Variants in SPATA16 observed in about 807,000 individuals in gnomAD.
SPATA16 encodes the protein spermatogenesis associated 16, also known as spermatogenesis-associated protein 16.
A neutral mutation model predicts 63.3 loss-of-function variants in SPATA16; 36 were observed. The ratio of observed to expected loss-of-function variants is 0.57; its 90% CI spans 0.44 to 0.75. The LOEUF is 0.75. Ranked by LOEUF, SPATA16 falls within the 30% of genes least tolerant of loss-of-function variation. The pLI is 0.00. For synonymous variants in SPATA16, 203 were observed against 216.7 expected, an observed-to-expected ratio of 0.94 and a Z score of 0.56; for missense variants, 646 against 679.3, an observed-to-expected ratio of 0.95 and a Z score of 0.54.
In SPATA16 at chr3:173,075,008, A is replaced by AAAAAAAAG. The variant is rs1560114977; in HGVS notation, c.613-25915_613-25914insCTTTTTTT. Among the ~76,000 whole-genome samples, 30 of 146,172 alleles carry AAAAAAAAG rather than the reference A, an allele frequency of 2.1e-4. 1 individual carries two copies. Among genetic ancestry groups the AAAAAAAAG allele is most frequent in the East Asian group, 8.2e-4 (4 of 4,898 alleles). ...ACTCTATCTCAAAAAAAAAAAAAAA[A>AAAAAAAAG]AAAAGGAAAGAAAAGAAAAAAAGAA... On this transcript the variant is annotated intron_variant, in intron 2 of 10. Transcript: ENST00000351008.
At chr3:172,911,093 T>C (rs1360654346) in intron 10 of SPATA16, among the ~76,000 whole-genome samples, 1 of 152,278 alleles carries the variant, frequency 6.6e-6, no homozygotes, top group African/African-American at 2.4e-5. Flanking sequence ...GCTTCTTCTT[T>C]GCTTCTTGTT....
Position 173,055,762 on chromosome 3 carries a change from C to T in SPATA16, c.613-6668G>A, listed in dbSNP as rs552124566. Reference sequence around the variant, plus strand: ...TACAAGAGTGAAAGTGCAAGTAAAACGAGAAATCTTAAGTTTGGTGGATTG... The same window carrying T: ...TACAAGAGTGAAAGTGCAAGTAAAATGAGAAATCTTAAGTTTGGTGGATTG... On this transcript the variant is annotated intron_variant, in intron 2 of 10. Transcript: ENST00000351008. 1.4e-4 allele frequency among the ~76,000 whole-genome samples: 22 copies of T among 152,180 alleles called. No individual in the cohort carries two copies. The South Asian group carries it at 2.5e-3, about 17-fold the overall frequency.
intron 2 of SPATA16, among the ~76,000 whole-genome samples, chr3:173,080,454 G>A (rs1051573159): frequency 6.6e-6 from 1 of 151,606 alleles, no homozygotes; most frequent in Non-Finnish European, 1.5e-5. Context: ...GACATCTTGT[G>A]CCTTTCACCT....
At chr3:173,054,741 TC>T (rs1736177634) in intron 2 of SPATA16, among the ~76,000 whole-genome samples, 1 of 151,982 alleles carries the variant, frequency 6.6e-6, no homozygotes, top group South Asian at 2.1e-4. Flanking sequence ...CGCACATGTA[TC>T]CTTTTTTTTT....
intron 4 of SPATA16, among the ~76,000 whole-genome samples, chr3:173,010,346 C>CT (rs996362617): frequency 2.0e-5 from 3 of 152,200 alleles, no homozygotes; most frequent in African/African-American, 7.2e-5. Flanking sequence ...CTGTGAGCCC[C>CT]TGCCCTACGT....
chr3:172,943,596 T>C (rs9848165), intron 6 of SPATA16, among the ~76,000 whole-genome samples: 13,040 of 152,032 alleles, frequency 0.086, 1,877 homozygotes, highest in African/African-American at 0.3. Flanking sequence ...AAAATGTAGC[T>C]GGGCATGGTG....
At position 173,119,564 on chromosome 3, in the gene SPATA16, A is replaced by G. The variant is rs570790245; in HGVS notation, c.-18-1815T>C. ...ATAATTCTAATAATAGCTATCTTGT[A>G]TATTAATTTGTAAAAGCTAAATCCT... On this transcript the variant is annotated intron_variant, in intron 1 of 10. Coordinates refer to ENST00000351008, the MANE Select transcript of SPATA16 (RefSeq NM_031955.6). Among the ~76,000 whole-genome samples the G allele has an allele frequency of 5.4e-4, 83 of 152,342 alleles. 1 individual carries two copies. In the South Asian group the frequency reaches 0.017, roughly 31 times the overall value.
intron 2 of SPATA16, among the ~76,000 whole-genome samples, chr3:173,082,128 C>A (rs1736936956): frequency 6.6e-6 from 1 of 151,998 alleles, no homozygotes; most frequent in Non-Finnish European, 1.5e-5. Context: ...TTTAGGTGTC[C>A]CCATAGCACC....
chr3:173,016,603 G>T (rs115353734), intron 4 of SPATA16, among the ~76,000 whole-genome samples: 1 of 152,270 alleles, frequency 6.6e-6, no homozygotes, highest in Admixed American at 6.5e-5. Flanking sequence ...ACATGACTGC[G>T]TAGCATGCTA....
chr3:173,066,579 G>A (rs138300634), intron 2 of SPATA16, among the ~76,000 whole-genome samples: 3 of 152,326 alleles, frequency 2.0e-5, no homozygotes, highest in Non-Finnish European at 4.4e-5. Context: ...CTCTGCAAGA[G>A]TCACAGTAGT....
chr3:173,036,146 T>C (rs946934345), intron 3 of SPATA16, among the ~76,000 whole-genome samples: 13 of 151,992 alleles, frequency 8.6e-5, no homozygotes, highest in African/African-American at 3.1e-4. Context: ...ACTGTTTCTA[T>C]GGAACACTAT....
At chr3:172,990,185 T>C (rs1734543460) in intron 4 of SPATA16, among the ~76,000 whole-genome samples, 1 of 152,234 alleles carries the variant, frequency 6.6e-6, no homozygotes, top group Admixed American at 6.5e-5. Context: ...ACATGCCATG[T>C]GATTCTTAAT....
chr3:173,055,319 T>C (rs1736195759), intron 2 of SPATA16, among the ~76,000 whole-genome samples: 1 of 152,210 alleles, frequency 6.6e-6, no homozygotes, highest in African/African-American at 2.4e-5. Context: ...CACAAAAATC[T>C]GTACAAGAAT....
At chr3:173,043,494 T>C (rs967925889) in intron 3 of SPATA16, among the ~76,000 whole-genome samples, 1 of 151,938 alleles carries the variant, frequency 6.6e-6, no homozygotes, top group Non-Finnish European at 1.5e-5. Flanking sequence ...TTATTATTAT[T>C]TTTAATTTAG....
intron 2 of SPATA16, among the ~76,000 whole-genome samples, chr3:173,068,836 C>T (rs1457292643): frequency 3.4e-4 from 50 of 148,040 alleles, no homozygotes; most frequent in African/African-American, 1.1e-3. Flanking sequence ...AAAGGCCGGG[C>T]GTGGTGGCTC....
intron 2 of SPATA16, among the ~76,000 whole-genome samples, chr3:173,055,388 A>G (rs939980531): frequency 2.0e-5 from 3 of 152,210 alleles, no homozygotes; most frequent in Non-Finnish European, 4.4e-5. Context: ...ATGTCCTTCA[A>G]TGGATGAATG....
intron 10 of SPATA16, among the ~76,000 whole-genome samples, chr3:172,896,149 C>A (rs1388763843): frequency 6.6e-6 from 1 of 151,752 alleles, no homozygotes; most frequent in Non-Finnish European, 1.5e-5. Context: ...GCAGGGTCTG[C>A]CAAATATCTC....
At chr3:173,100,682 A>G (rs1422327507) in intron 2 of SPATA16, among the ~76,000 whole-genome samples, 1 of 150,324 alleles carries the variant, frequency 6.7e-6, no homozygotes, top group Non-Finnish European at 1.5e-5. Flanking sequence ...ACACACACAC[A>G]CACACACACA....
chr3:173,088,040 T>C (rs1328737436), intron 2 of SPATA16, among the ~76,000 whole-genome samples: 1 of 140,720 alleles, frequency 7.1e-6, no homozygotes, highest in African/African-American at 2.7e-5. Context: ...CTTTCTTTCT[T>C]TCTTTCTTTC....
Sources: gnomAD v4.1 joint callset for allele counts (sites outside exome capture counted in the v4.1 genomes callset) on GRCh38, gnomAD v4.1.1 for gene constraint, MANE v1.5 for transcripts, NCBI Gene and HGNC (gene_info 2026-07-23, HGNC 2026-07-21) for gene names.